The following FBXO34 variants were observed in gnomAD, a reference collection of about 807,000 sequenced individuals.
The protein encoded by FBXO34 is F-box protein 34, also known as F-box only protein 34.
A neutral mutation model predicts 24.5 loss-of-function variants in FBXO34; 12 were observed. The observed-to-expected ratio is 0.49, with a 90% confidence interval of 0.31 to 0.79. FBXO34 has a LOEUF of 0.79. Ranked by LOEUF, FBXO34 falls within the 30% of genes least tolerant of loss-of-function variation. The pLI is 0.04. For synonymous variants in FBXO34, 320 were observed against 311.9 expected, an observed-to-expected ratio of 1.03 and a Z score of -0.27; for missense variants, 823 against 857.7, an observed-to-expected ratio of 0.96 and a Z score of 0.51.
intron 1 of FBXO34, among the ~76,000 whole-genome samples, chr14:55,294,714 C>T (rs939249980): frequency 3.3e-5 from 5 of 151,974 alleles, no homozygotes; most frequent in African/African-American, 4.8e-5. Context: ...ATAATTACAC[C>T]GGGGCAAACA....
chr14:55,293,542 A>T (rs1296783764), intron 1 of FBXO34, among the ~76,000 whole-genome samples: 4 of 152,038 alleles, frequency 2.6e-5, no homozygotes, highest in African/African-American at 9.7e-5. Context: ...AGACTTTGAG[A>T]TACTTTGAGT....
chr14:55,384,272 GAA>G, the FBXO34 span, among the ~76,000 whole-genome samples: 5 of 152,026 alleles, frequency 3.3e-5, 1 homozygote, highest in Non-Finnish European at 7.4e-5. Context: ...TTTTCTTTTT[GAA>G]AAAAGTCAGC....
intron 1 of FBXO34, among the ~76,000 whole-genome samples, chr14:55,338,980 C>T (rs749980400): frequency 3.1e-4 from 47 of 151,734 alleles, no homozygotes; most frequent in Non-Finnish European, 6.0e-4. Context: ...GATACAAAAT[C>T]CTTGCCATAA....
At chr14:55,417,453 T>TAAAA in the FBXO34 span, among the ~76,000 whole-genome samples, 2 of 91,348 alleles carry the variant, frequency 2.2e-5, no homozygotes, top group East Asian at 3.2e-4. Flanking sequence ...ACCCTTGCCT[T>TAAAA]AAAAAAAAAA....
the FBXO34 span, among the ~76,000 whole-genome samples, chr14:55,384,209 G>C: frequency 6.6e-6 from 1 of 152,114 alleles, no homozygotes; most frequent in South Asian, 2.1e-4. Flanking sequence ...CTAAATAAAA[G>C]ATTAAAACAG....
chr14:55,397,126 C>A, the FBXO34 span, among the ~76,000 whole-genome samples: 2 of 152,152 alleles, frequency 1.3e-5, no homozygotes, highest in Non-Finnish European at 2.9e-5. Context: ...ATTATCAGTG[C>A]CAGGGATTTG....
the FBXO34 span, chr14:55,440,647 C>T: frequency 1.5e-6 from 2 of 1,316,616 alleles, no homozygotes; most frequent in Non-Finnish European, 2.0e-6. Context: ...GGATGCGGAA[C>T]CCAGCTACCG....
At chr14:55,310,608 T>A (rs541526647) in intron 1 of FBXO34, among the ~76,000 whole-genome samples, 27 of 152,336 alleles carry the variant, frequency 1.8e-4, no homozygotes, top group African/African-American at 6.3e-4. Flanking sequence ...GATTAGGGTT[T>A]CTTCATGCCT....
chr14:55,391,605 C>T, the FBXO34 span, among the ~76,000 whole-genome samples: 17 of 152,114 alleles, frequency 1.1e-4, no homozygotes, highest in Non-Finnish European at 2.2e-4. Context: ...CTACTAGCCA[C>T]ATGTGGTTAC....
intron 3 of FBXO34, chr14:55,361,612 C>T (rs1884596362): frequency 6.6e-6 from 1 of 152,182 alleles, no homozygotes; most frequent in South Asian, 2.1e-4. Flanking sequence ...GTATCTTCTT[C>T]CAATAGGATG....
the FBXO34 span, chr14:55,429,087 T>A: frequency 5.3e-6 from 7 of 1,330,340 alleles, no homozygotes; most frequent in Non-Finnish European, 7.2e-6. Context: ...ATGTATACTA[T>A]GAAGCTGTAG....
At chr14:55,378,889 G>C in the FBXO34 span, among the ~76,000 whole-genome samples, 1 of 151,704 alleles carries the variant, frequency 6.6e-6, no homozygotes, top group Non-Finnish European at 1.5e-5. Flanking sequence ...TTTATTTTTA[G>C]TAGCGACAAG....
intron 1 of FBXO34, among the ~76,000 whole-genome samples, chr14:55,319,852 T>G (rs1255483695): frequency 2.6e-5 from 4 of 152,066 alleles, no homozygotes; most frequent in Non-Finnish European, 5.9e-5. Context: ...ATTTTTTGTA[T>G]TTTTAGTAGA....
chr14:55,344,470 G>T (rs1312187535), intron 1 of FBXO34, among the ~76,000 whole-genome samples: 1 of 151,494 alleles, frequency 6.6e-6, no homozygotes, highest in East Asian at 1.9e-4. Context: ...CTCTTGACCA[G>T]ACCTGAGTCA....
At chr14:55,329,918 C>T (rs1359020979) in intron 1 of FBXO34, among the ~76,000 whole-genome samples, 1 of 151,808 alleles carries the variant, frequency 6.6e-6, no homozygotes, top group Non-Finnish European at 1.5e-5. Context: ...TTTTAAACTG[C>T]TTGACTGGCC....
At chr14:55,369,526 A>G, downstream of FBXO34, 2 of 1,201,348 alleles carry the variant, frequency 1.7e-6, no homozygotes, top group Non-Finnish European at 2.3e-6. Context: ...TTTGTTCCAG[A>G]CACTATCTTA....
the FBXO34 span, among the ~76,000 whole-genome samples, chr14:55,412,449 C>A: frequency 1.3e-5 from 2 of 152,154 alleles, no homozygotes; most frequent in African/African-American, 2.4e-5. Flanking sequence ...AGAATTGTAT[C>A]CTTCTGAAAA....
intron 1 of FBXO34, among the ~76,000 whole-genome samples, chr14:55,286,774 A>G (rs1881775568): frequency 6.6e-6 from 1 of 152,050 alleles, no homozygotes; most frequent in Non-Finnish European, 1.5e-5. Context: ...CTCTTATCTT[A>G]CATGCTTGGG....
chr14:55,409,893 G>A, the FBXO34 span, among the ~76,000 whole-genome samples: 1 of 152,228 alleles, frequency 6.6e-6, no homozygotes, highest in Non-Finnish European at 1.5e-5. Context: ...GACGGAAGCA[G>A]AGACATAAGA....
Sources: allele counts gnomAD v4.1 joint callset (sites outside exome capture counted in the v4.1 genomes callset), GRCh38; gene constraint gnomAD v4.1.1; transcripts MANE v1.5; gene names NCBI Gene and HGNC (gene_info 2026-07-23, HGNC 2026-07-21).